The following PKD1 variants were observed in gnomAD, a reference collection of about 807,000 sequenced individuals.
The protein encoded by PKD1 is polycystin 1, transient receptor potential channel interacting, also known as polycystin-1.
Under a neutral mutation model 361.7 loss-of-function variants are expected in PKD1, and 81 were observed. The ratio of observed to expected loss-of-function variants is 0.22; its 90% CI spans 0.19 to 0.27. The LOEUF (loss-of-function observed/expected upper bound fraction) is 0.27, where lower values mean the gene tolerates loss of function less well. Among genes scored for constraint, PKD1 ranks in the 10% least tolerant of loss-of-function variants. The pLI is 1.00. For missense variants in PKD1, 6,399 were observed against 6,118.3 expected (o/e 1.05, Z -1.53); for synonymous variants, 3,615 against 2,818.3 (o/e 1.28, Z -8.95).
chr16:2,098,038 G>C, intron 30 of PKD1, 54 bp from the exon 31 acceptor site: 1 of 921,578 alleles, frequency 1.1e-6, no homozygotes, highest in South Asian at 1.3e-5. Context: ...GCTCAGGACA[G>C]GGATGAGAAG....
chr16:2,093,620 C>A lies in PKD1; in HGVS notation c.10940G>T (p.Arg3647Leu), dbSNP rs1415072762. Residue 3647 changes from arginine to leucine, a missense_variant, in exon 37 of 46, where the codon CGG becomes CTG. Arg to Leu is a moderately radical substitution (Grantham distance 102, BLOSUM62 -2). Transcript: ENST00000262304. The part of the protein sequence containing the change: ...TPVSARVPRV[R>L]PPHGFALFLA... ...GAAGAGTGCAAAGCCGTGGGGTGGC[C>A]GTACGCGGGGCACACGTGCGCTCAC... 1 of 1,609,260 alleles carries A rather than the reference C, an allele frequency of 6.2e-7. No individual in the cohort carries two copies. Among genetic ancestry groups the A allele is most frequent in the Admixed American group, 1.7e-5 (1 of 59,620 alleles).
chr16:2,117,869 G>T lies in PKD1; in HGVS notation c.1123C>A (p.Leu375Ile), dbSNP rs546468897. 248 of 1,268,176 alleles carry T rather than the reference G, an allele frequency of 2.0e-4. No homozygotes were observed. The African/African-American group carries it at 3.3e-3, about 17-fold the overall frequency. 78.6% of individuals were successfully genotyped at this position (1,268,176 alleles called of 1,614,324 possible). The change falls in exon 5 of 46, where the codon CTC becomes ATC. Residue 375 changes from leucine to isoleucine, a missense_variant. Transcript: ENST00000262304. Reference sequence around the variant, plus strand: ...GAACCACCGCGGTTCTGGATGCTGAGGTCGAGGCTCTCGTCACTCTGCACC... The same window carrying T: ...GAACCACCGCGGTTCTGGATGCTGATGTCGAGGCTCTCGTCACTCTGCACC... Reference protein sequence around the residue: ...SSVQSDESLDLSIQNRGGSGL... With the variant: ...SSVQSDESLDISIQNRGGSGL...
chr16:2,111,135 C>T lies in PKD1; in HGVS notation c.4032G>A (p.Thr1344=), dbSNP rs374350219. The T allele has an allele frequency of 6.8e-5, 110 of 1,610,988 alleles. No individual in the cohort carries two copies. The highest frequency in any genetic ancestry group is 6.7e-5 in the African/African-American group (5 of 74,974). ...CGCTCCGCGTGAAGTTGTGTGTCAC[C>T]GTCGGGCACCCCCGCACGGTCGTGT... The part of the protein sequence containing the change: ...SSNTTVRGCP[T]VTHNFTRSGT... The change falls in exon 15 of 46, where the codon ACG becomes ACA. Residue 1344 remains threonine (T), a synonymous_variant. Coordinates refer to ENST00000262304, the MANE Select transcript of PKD1 (RefSeq NM_001009944.3).
chr16:2,091,337 G>GGCGGGGCCCTGCGAGC (rs1310394087), intron 42 of PKD1, 86 bp downstream of exon 42: 1 of 603,852 alleles, frequency 1.7e-6, no homozygotes, highest in Non-Finnish European at 2.1e-6. Flanking sequence ...GCGCTGCGAG[G>GGCGGGGCCCTGCGAGC]GGTGAGACGC....
In PKD1 at chr16:2,107,123, G is replaced by A. The variant is rs556024276; in HGVS notation, c.7066-175C>T. 312 of 687,754 alleles carry A rather than the reference G, an allele frequency of 4.5e-4. 2 individuals carry two copies. In the East Asian group the frequency reaches 7.0e-3, roughly 15 times the overall value. 42.6% of individuals were successfully genotyped at this position (687,754 alleles called of 1,614,324 possible). A position where few individuals can be genotyped will look rare whatever the true frequency, so the allele number is the denominator to read the frequency against. On this transcript the variant is annotated intron_variant, in intron 16 of 45. Coordinates refer to ENST00000262304, the MANE Select transcript of PKD1 (RefSeq NM_001009944.3). The stretch of plus-strand genomic sequence containing the variant: ...CGGTTTGCCACCTTCCAACTTGGAC[G>A]GCGGAAGGGCATACACAGGGCAGAG...
chr16:2,119,661 G>A (rs999894663), intron 1 of PKD1: 22 of 614,298 alleles, frequency 3.6e-5, no homozygotes, highest in African/African-American at 5.5e-5. Flanking sequence ...GGAAGGGCAC[G>A]GACCCCCAAC....
Position 2,099,910 on chromosome 16 carries a change from G to A in PKD1, c.9874C>T (p.Leu3292=), listed in dbSNP as rs1468310382. 6 of 1,566,982 alleles carry A rather than the reference G, an allele frequency of 3.8e-6. No individual in the cohort carries two copies. In the Admixed American group the frequency reaches 7.6e-5, roughly 20 times the overall value. The part of the protein sequence containing the change: ...TCCVLLICLF[L]GANAVWYGAV... ...CCGTACCACACGGCGTTGGCGCCCAGGAAGAGGCAGATGAGGAGAACGCAG... is the reference window on the plus strand; with the variant it reads ...CCGTACCACACGGCGTTGGCGCCCAAGAAGAGGCAGATGAGGAGAACGCAG... Residue 3292 remains leucine, a synonymous_variant, in exon 29 of 46, where the codon CTG becomes TTG. Transcript: ENST00000262304.
intron 1 of PKD1, chr16:2,123,560 C>A (rs537870493): frequency 1.8e-5 from 8 of 454,170 alleles, no homozygotes; most frequent in South Asian, 3.1e-5. Flanking sequence ...TCGCGCCAGC[C>A]CCCCCACCCC....
At chr16:2,120,597 G>T (rs1167159934) in intron 1 of PKD1, among the ~76,000 whole-genome samples, 2 of 152,230 alleles carry the variant, frequency 1.3e-5, no homozygotes, top group African/African-American at 2.4e-5. Flanking sequence ...AGCTACTCGG[G>T]GGGCTGAGGA....
intron 1 of PKD1, among the ~76,000 whole-genome samples, chr16:2,127,139 A>G (rs1251995343): frequency 6.6e-6 from 1 of 152,194 alleles, no homozygotes; most frequent in Non-Finnish European, 1.5e-5. Context: ...GGTGCCCACC[A>G]GCGACAGCGC....
At position 2,094,195 on chromosome 16, in the gene PKD1, C is replaced by G. The variant is rs753722564; in HGVS notation, c.10515G>C (p.Gly3505=). 1.5e-5 allele frequency: 24 copies of G among 1,601,442 alleles called. No homozygotes were observed. In the South Asian group the frequency reaches 2.6e-4, roughly 17 times the overall value. The change falls in exon 35 of 46, where the codon GGG becomes GGC. Residue 3505 remains glycine, a synonymous_variant. Transcript: ENST00000262304. ...GCAGCGCCAGCGTCTCTGTCTTCTC[C>G]CCAGGAGTGCTGGACCTGAGGGACA... ...DLLSSLSSTP[G]EKTETLALQR... is the part of the protein sequence containing the mutation.
rs2091272195 is a variant in PKD1, at chr16:2,088,875, GCGCGCGCACA to G, written c.*842_*851del. The G allele has an allele frequency of 2.0e-5, 10 of 487,808 alleles. No homozygotes were observed. The highest frequency in any genetic ancestry group is 1.7e-4 in the South Asian group (8 of 47,764). The allele number at this position is 487,808 out of a possible 1,614,324, so 30.2% of individuals were successfully genotyped here. On this transcript the variant is annotated 3_prime_UTR_variant, in exon 46 of 46. Transcript: ENST00000262304. Reference sequence around the variant, plus strand: ...GGCCATACAGCACACTCGCGCGTGCGCGCGCGCACACACACACACACACAGTCACCTTCCT... The same window carrying G: ...GGCCATACAGCACACTCGCGCGTGCGCACACACACACACAGTCACCTTCCT...
rs543561238 is a variant in PKD1 at position 2,110,276 on chromosome 16, G to A, written c.4891C>T (p.Leu1631Phe). 50 of 1,612,562 alleles carry A rather than the reference G, an allele frequency of 3.1e-5. No homozygotes were observed. The Admixed American group carries it at 3.3e-4, about 11-fold the overall frequency. Residue 1631 changes from leucine to phenylalanine, a missense_variant, in exon 15 of 46, where the codon CTC becomes TTC. By Grantham distance (22) the Leu-to-Phe change is conservative (BLOSUM62 0). Transcript: ENST00000262304. The stretch of plus-strand genomic sequence containing the variant: ...CCCACCACCTGCAGCCCCTCTATGA[G>A]CTGCAGGACATAGACGAAGATGCTG... The part of the protein sequence containing the change: ...QDSIFVYVLQ[L>F]IEGLQVVGGG...
chr16:2,116,681 G>A lies in PKD1; in HGVS notation c.1607-37C>T, dbSNP rs1596585515. The A allele has an allele frequency of 3.9e-5, 50 of 1,285,816 alleles. 4 individuals carry two copies. Among genetic ancestry groups the A allele is most frequent in the African/African-American group, 2.9e-4 (20 of 68,182 alleles). The allele number at this position is 1,285,816 out of a possible 1,614,324, so 79.7% of individuals were successfully genotyped here. A position where few individuals can be genotyped will look rare whatever the true frequency, so the allele number is the denominator to read the frequency against. On this transcript the variant is annotated intron_variant, in intron 7 of 45. Coordinates refer to ENST00000262304, the MANE Select transcript of PKD1 (RefSeq NM_001009944.3). ...AGTGCACAGTGAGGCGCCGGGCCAG[G>A]GCCCAGGACACCAGGACGAACAGAC...
chr16:2,094,205 C>T lies in PKD1; in HGVS notation c.10505G>A (p.Ser3502Asn), dbSNP rs775155015. ...CGTCTCTGTCTTCTCCCCAGGAGTG[C>T]TGGACCTGAGGGACATGGTAGGCTG... ...METDLLSSLS[S>N]TPGEKTETLA... Residue 3502 changes from serine (S) to asparagine (N), a missense_variant, in exon 35 of 46, where the codon AGC becomes AAC. Ser to Asn is a conservative substitution (Grantham distance 46, BLOSUM62 1). Transcript: ENST00000262304. 1.6e-5 allele frequency: 25 copies of T among 1,585,866 alleles called. No homozygotes were observed. The highest frequency in any genetic ancestry group is 3.5e-6 in the Non-Finnish European group (4 of 1,156,834).
chr16:2,101,082 T>A (rs1470023011), intron 26 of PKD1, among the ~76,000 whole-genome samples: 3 of 151,810 alleles, frequency 2.0e-5, no homozygotes, highest in Non-Finnish European at 4.4e-5. Flanking sequence ...GCCTCCCGGG[T>A]TCACGCCATT....
Position 2,088,872 on chromosome 16 carries a change from T to TGCGCGCGC in PKD1, c.*847_*854dup. ...CTGGGCCATACAGCACACTCGCGCG[T>TGCGCGCGC]GCGCGCGCGCACACACACACACACA... On this transcript the variant is annotated 3_prime_UTR_variant, in exon 46 of 46. Transcript: ENST00000262304. The TGCGCGCGC allele has an allele frequency of 2.0e-6, 1 of 500,476 alleles. No homozygotes were observed. The highest frequency in any genetic ancestry group is 2.1e-5 in the African/African-American group (1 of 47,672). 31.0% of individuals were successfully genotyped at this position (500,476 alleles called of 1,614,324 possible).
At chr16:2,112,074 T>C (rs975328486) in intron 14 of PKD1, among the ~76,000 whole-genome samples, 1 of 152,176 alleles carries the variant, frequency 6.6e-6, no homozygotes, top group Non-Finnish European at 1.5e-5. Context: ...CGGCACCGCC[T>C]CCAAGTGCAG....
rs752538319 is a variant in PKD1, at chr16:2,099,695, G to A, written c.9999C>T (p.Val3333=). 6.3e-6 allele frequency: 10 copies of A among 1,593,474 alleles called. No individual in the cohort carries two copies. Among genetic ancestry groups the A allele is most frequent in the Non-Finnish European group, 6.8e-6 (8 of 1,176,364 alleles). ...VAVGLVSSVV[V]YPVYLAILFL... ...AAAGGATGGCCAGGTAGACGGGATA[G>A]ACAACCACGCTGGACACCAGGCCAA... Residue 3333 remains valine, a synonymous_variant, in exon 30 of 46, where the codon GTC becomes GTT. Transcript: ENST00000262304.
Sources: gnomAD v4.1 joint callset for allele counts (sites outside exome capture counted in the v4.1 genomes callset) on GRCh38, gnomAD v4.1.1 for gene constraint, MANE v1.5 for transcripts, NCBI Gene and HGNC (gene_info 2026-07-23, HGNC 2026-07-21) for gene names.